Variants in CACNA2D3 observed in about 807,000 individuals in gnomAD.
CACNA2D3 encodes the protein voltage-dependent calcium channel subunit alpha-2/delta-3.
Under a neutral mutation model 160.6 loss-of-function variants are expected in CACNA2D3, and 60 were observed. The observed-to-expected ratio is 0.37, with a 90% CI of 0.30 to 0.46. The LOEUF is 0.46. Among genes scored for constraint, CACNA2D3 ranks in the 20% least tolerant of loss-of-function variants. CACNA2D3 has a pLI of 1.00. For synonymous variants in CACNA2D3, 558 were observed against 492.9 expected, an observed-to-expected ratio of 1.13 and a Z score of -1.75; for missense variants, 1,205 against 1,365.0, an observed-to-expected ratio of 0.88 and a Z score of 1.85.
intron 9 of CACNA2D3, chr3:54,626,538 C>T: frequency 1.9e-6 from 3 of 1,604,646 alleles, no homozygotes; most frequent in Admixed American, 3.3e-5. Context: ...AGATCAAGCC[C>T]GAGATGATCG....
intron 4 of CACNA2D3, among the ~76,000 whole-genome samples, chr3:54,448,419 G>A (rs957640021): frequency 5.3e-5 from 8 of 152,120 alleles, no homozygotes; most frequent in Non-Finnish European, 1.0e-4. Flanking sequence ...AAACAATGTC[G>A]TCAGGACCCA....
intron 17 of CACNA2D3, among the ~76,000 whole-genome samples, chr3:54,860,579 C>T (rs995619600): frequency 9.2e-5 from 14 of 152,150 alleles, no homozygotes; most frequent in African/African-American, 2.4e-5. Context: ...TTCATTTGAG[C>T]GTTAATGATT....
chr3:54,330,872 TG>T (rs796077602), intron 3 of CACNA2D3, among the ~76,000 whole-genome samples: 9 of 152,332 alleles, frequency 5.9e-5, no homozygotes, highest in African/African-American at 2.2e-4. Context: ...GGCCATGGTC[TG>T]GGGATAGTGC....
chr3:54,281,127 G>C (rs1702870205), intron 2 of CACNA2D3, among the ~76,000 whole-genome samples: 1 of 152,172 alleles, frequency 6.6e-6, no homozygotes, highest in Non-Finnish European at 1.5e-5. Flanking sequence ...GGAGTGGAGA[G>C]GAGGAGGACA....
At chr3:54,240,283 C>T (rs1265340368) in intron 2 of CACNA2D3, among the ~76,000 whole-genome samples, 2 of 152,020 alleles carry the variant, frequency 1.3e-5, no homozygotes, top group Non-Finnish European at 2.9e-5. Context: ...GCTGGCAGAT[C>T]CCATTCGTTG....
intron 13 of CACNA2D3, among the ~76,000 whole-genome samples, chr3:54,770,153 A>G (rs1428219899): frequency 6.6e-6 from 1 of 152,178 alleles, no homozygotes; most frequent in Non-Finnish European, 1.5e-5. Context: ...TCTCACTTTT[A>G]TTATTATTTT....
At chr3:54,244,386 A>G (rs569564771) in intron 2 of CACNA2D3, among the ~76,000 whole-genome samples, 1 of 152,376 alleles carries the variant, frequency 6.6e-6, no homozygotes, top group South Asian at 2.1e-4. Context: ...ATATGTGCAA[A>G]CTGTCATCTA....
intron 11 of CACNA2D3, 83 bp from the exon 12 acceptor site, chr3:54,752,516 A>G: frequency 1.1e-6 from 1 of 871,410 alleles, no homozygotes; most frequent in Admixed American, 1.9e-5. Context: ...GAGGTAAGCC[A>G]CATGTGTGTG....
At chr3:54,632,077 G>A (rs1017284383) in intron 10 of CACNA2D3, 9 of 152,046 alleles carry the variant, frequency 5.9e-5, no homozygotes, top group African/African-American at 2.2e-4. Flanking sequence ...CATCACTCTC[G>A]CTATTCAATA....
At chr3:54,948,582 G>T (rs932565603) in intron 27 of CACNA2D3, among the ~76,000 whole-genome samples, 1 of 152,208 alleles carries the variant, frequency 6.6e-6, no homozygotes, top group Admixed American at 6.5e-5. Flanking sequence ...GGTCATGGTT[G>T]CCAGGCACAC....
chr3:54,904,694 G>A (rs1431634746), intron 27 of CACNA2D3, among the ~76,000 whole-genome samples: 7 of 152,020 alleles, frequency 4.6e-5, no homozygotes, highest in Admixed American at 3.3e-4. Context: ...GCTAACATAC[G>A]GTCCATATGG....
At chr3:54,375,551 G>A (rs1186518446) in intron 3 of CACNA2D3, among the ~76,000 whole-genome samples, 1 of 152,138 alleles carries the variant, frequency 6.6e-6, no homozygotes, top group Non-Finnish European at 1.5e-5. Flanking sequence ...CCTTGGTCAA[G>A]AGAACAGCAG....
intron 35 of CACNA2D3, among the ~76,000 whole-genome samples, chr3:55,061,823 C>A (rs1413450925): frequency 6.6e-6 from 1 of 152,188 alleles, no homozygotes; most frequent in East Asian, 1.9e-4. Flanking sequence ...CCGCTTAGGT[C>A]TAGACAGCAT....
At position 54,639,593 on chromosome 3, in the gene CACNA2D3, G is replaced by C. The variant is rs937800290; in HGVS notation, c.1054-2535G>C. On this transcript the variant is annotated intron_variant, in intron 10 of 37. Transcript: ENST00000474759. Reference sequence around the variant, plus strand: ...GGGAGGTTGGAGAACAGAGTAAAAAGAGGCCGCTTACCGGATTTGAAATTG... The same window carrying C: ...GGGAGGTTGGAGAACAGAGTAAAAACAGGCCGCTTACCGGATTTGAAATTG... The C allele has an allele frequency of 1.6e-4, 40 of 244,350 alleles. 2 individuals are homozygous for C. Among genetic ancestry groups the C allele is most frequent in the African/African-American group, 8.8e-4 (37 of 42,252 alleles). 15.1% of individuals were successfully genotyped at this position (244,350 alleles called of 1,614,324 possible).
chr3:54,816,718 T>G (rs2106713140), intron 13 of CACNA2D3, 135 bp from the exon 14 acceptor site: 1 of 893,184 alleles, frequency 1.1e-6, no homozygotes, highest in East Asian at 2.5e-5. Context: ...AATAACTTGC[T>G]TTACCTCTTT....
At chr3:54,168,650 C>T (rs1302152229) in intron 2 of CACNA2D3, among the ~76,000 whole-genome samples, 1 of 152,092 alleles carries the variant, frequency 6.6e-6, no homozygotes, top group Non-Finnish European at 1.5e-5. Context: ...TGTGGTTGGC[C>T]TAGGAGCATG....
At chr3:54,382,112 C>T (rs920871976) in intron 3 of CACNA2D3, among the ~76,000 whole-genome samples, 4 of 152,120 alleles carry the variant, frequency 2.6e-5, no homozygotes, top group African/African-American at 9.7e-5. Context: ...CCAGTGTTCA[C>T]GTTTAATTAA....
At chr3:54,166,432 G>C (rs1456390990) in intron 2 of CACNA2D3, among the ~76,000 whole-genome samples, 5 of 152,178 alleles carry the variant, frequency 3.3e-5, no homozygotes, top group Non-Finnish European at 7.3e-5. Flanking sequence ...TTACCCTTCT[G>C]TCCAGAGCCC....
At chr3:54,340,025 T>G (rs903458528) in intron 3 of CACNA2D3, among the ~76,000 whole-genome samples, 2 of 152,354 alleles carry the variant, frequency 1.3e-5, no homozygotes, top group Non-Finnish European at 2.9e-5. Context: ...AGTGGTTATC[T>G]CACTTTTCAG....
Sources: allele counts gnomAD v4.1 joint callset (sites outside exome capture counted in the v4.1 genomes callset), GRCh38; gene constraint gnomAD v4.1.1; transcripts MANE v1.5; gene names NCBI Gene and HGNC (gene_info 2026-07-23, HGNC 2026-07-21).